The following C2CD5 variants were observed in gnomAD, a reference collection of about 807,000 sequenced individuals.
The protein encoded by C2CD5 is C2 domain-containing protein 5.
Under a neutral mutation model 130.3 loss-of-function variants are expected in C2CD5, and 109 were observed. That is an observed-to-expected ratio of 0.84 (90% CI 0.72 to 0.98). The LOEUF is 0.98. Among genes scored for constraint, C2CD5 ranks in the 50% least tolerant of loss-of-function variants. C2CD5 has a pLI of 0.00. For synonymous variants in C2CD5, 454 were observed against 429.2 expected, an observed-to-expected ratio of 1.06 and a Z score of -0.71; for missense variants, 996 against 1,261.8, an observed-to-expected ratio of 0.79 and a Z score of 3.19.
Position 22,527,711 on chromosome 12 carries a change from T to C in C2CD5, c.349+10A>G. The C allele has an allele frequency of 5.6e-6, 8 of 1,417,552 alleles. No homozygotes were observed. Among genetic ancestry groups the C allele is most frequent in the Non-Finnish European group, 7.8e-6 (8 of 1,031,246 alleles). The allele number at this position is 1,417,552 out of a possible 1,614,324, so 87.8% of individuals were successfully genotyped here. On this transcript the variant is annotated intron_variant, in intron 4 of 26. Coordinates refer to ENST00000446597, the MANE Select transcript of C2CD5 (RefSeq NM_001286176.2). The stretch of plus-strand genomic sequence containing the variant: ...ATTGTTATTTATAATACTTTCTTAT[T>C]ATTCCTTACCATGTATGGTGTCATA...
intron 10 of C2CD5, among the ~76,000 whole-genome samples, chr12:22,496,976 G>A (rs1479858066): frequency 6.6e-6 from 1 of 151,972 alleles, no homozygotes; most frequent in East Asian, 1.9e-4. Context: ...TGAAGTGCAG[G>A]TGAAACTGGT....
At chr12:22,490,970 T>C (rs769915121) in intron 11 of C2CD5, among the ~76,000 whole-genome samples, 18 of 152,148 alleles carry the variant, frequency 1.2e-4, no homozygotes, top group Non-Finnish European at 2.5e-4. Context: ...TCACTTGAAC[T>C]GTAAATAAAA....
chr12:22,488,464 CTATTG>C (rs1945877414), intron 12 of C2CD5, among the ~76,000 whole-genome samples: 1 of 150,872 alleles, frequency 6.6e-6, no homozygotes, highest in Non-Finnish European at 1.5e-5. Context: ...GGGGTGGCAC[CTATTG>C]TATTGAACTA....
At chr12:22,491,808 G>C (rs1441183207) in intron 11 of C2CD5, among the ~76,000 whole-genome samples, 1 of 150,090 alleles carries the variant, frequency 6.7e-6, no homozygotes, top group South Asian at 2.2e-4. Flanking sequence ...GGAGGTGGAG[G>C]TTGCAGTGAG....
At chr12:22,518,390 G>C (rs1420450899) in intron 7 of C2CD5, among the ~76,000 whole-genome samples, 1 of 151,398 alleles carries the variant, frequency 6.6e-6, no homozygotes, top group African/African-American at 2.4e-5. Context: ...CAGACTAAGG[G>C]GATAAAAAAT....
chr12:22,470,685 T>C, intron 21 of C2CD5, 139 bp downstream of exon 21: 1 of 607,050 alleles, frequency 1.6e-6, no homozygotes, highest in Non-Finnish European at 2.9e-6. Context: ...ACAGTTATCT[T>C]CATAAAGATG....
chr12:22,527,407 C>T (rs1950825993), intron 4 of C2CD5, among the ~76,000 whole-genome samples: 1 of 150,534 alleles, frequency 6.6e-6, no homozygotes, highest in African/African-American at 2.4e-5. Flanking sequence ...CAACCTCCGC[C>T]TCCCGGGTTC....
chr12:22,529,047 C>A (rs1299742375), intron 3 of C2CD5, among the ~76,000 whole-genome samples: 1 of 152,092 alleles, frequency 6.6e-6, no homozygotes, highest in Non-Finnish European at 1.5e-5. Flanking sequence ...TATAACATCT[C>A]AAATTTGCCT....
chr12:22,457,734 T>C (rs1940226359), intron 24 of C2CD5, among the ~76,000 whole-genome samples: 1 of 151,940 alleles, frequency 6.6e-6, no homozygotes, highest in African/African-American at 2.4e-5. Context: ...ATTAAATAAC[T>C]GCCATAAGCC....
At chr12:22,521,091 C>A (rs1459667207) in intron 7 of C2CD5, among the ~76,000 whole-genome samples, 1 of 152,042 alleles carries the variant, frequency 6.6e-6, no homozygotes, top group South Asian at 2.1e-4. Flanking sequence ...ATCTAAACCA[C>A]CTTTTATCAA....
At chr12:22,498,759 A>G (rs750641070) in intron 10 of C2CD5, among the ~76,000 whole-genome samples, 35 of 152,178 alleles carry the variant, frequency 2.3e-4, no homozygotes, top group Non-Finnish European at 4.1e-4. Context: ...TCAAAAACCA[A>G]CAAAAGGCTA....
intron 8 of C2CD5, among the ~76,000 whole-genome samples, chr12:22,514,782 G>A (rs568269135): frequency 6.6e-6 from 1 of 151,930 alleles, no homozygotes; most frequent in South Asian, 2.1e-4. Context: ...AAATAATTTG[G>A]CAGAATATTC....
intron 2 of C2CD5, among the ~76,000 whole-genome samples, chr12:22,537,664 A>T (rs1951953029): frequency 6.6e-6 from 1 of 152,210 alleles, no homozygotes; most frequent in Admixed American, 6.5e-5. Flanking sequence ...AAAGTTATTA[A>T]CCTGTTATTT....
intron 9 of C2CD5, among the ~76,000 whole-genome samples, chr12:22,510,404 T>C (rs1047945395): frequency 2.0e-5 from 3 of 152,162 alleles, no homozygotes; most frequent in African/African-American, 7.2e-5. Context: ...AGCATAAAAA[T>C]ATTTAATAGT....
intron 26 of C2CD5, among the ~76,000 whole-genome samples, chr12:22,453,618 TA>T (rs1939178893): frequency 6.6e-6 from 1 of 152,156 alleles, no homozygotes; most frequent in African/African-American, 2.4e-5. Flanking sequence ...CACTGTATTC[TA>T]AACACCTACC....
At chr12:22,520,280 G>A (rs1950156084) in intron 7 of C2CD5, among the ~76,000 whole-genome samples, 1 of 152,056 alleles carries the variant, frequency 6.6e-6, no homozygotes, top group Non-Finnish European at 1.5e-5. Flanking sequence ...GCAAATTAAA[G>A]GCAGGCAAAG....
intron 2 of C2CD5, among the ~76,000 whole-genome samples, chr12:22,541,198 T>C (rs897575243): frequency 1.3e-5 from 2 of 151,988 alleles, no homozygotes; most frequent in Non-Finnish European, 2.9e-5. Flanking sequence ...CCCCCTGGAG[T>C]ATCAGAAAAC....
Position 22,457,063 on chromosome 12 carries a change from T to C in C2CD5, c.2785A>G (p.Thr929Ala), listed in dbSNP as rs756003309. Residue 929 changes from threonine to alanine, a missense_variant, in exon 25 of 27, where the codon ACA (threonine) becomes GCA (alanine). Thr to Ala is a moderately conservative substitution (Grantham distance 58, BLOSUM62 0). Coordinates refer to ENST00000446597, the MANE Select transcript of C2CD5 (RefSeq NM_001286176.2). ...GCTCCAGGAATAAAAGAAAGAGGTG[T>C]CATCTTAACAACCCCAACTGTGGAA... ...ANSTVGVVKM[T>A]PLSFIPGAKI... The C allele has an allele frequency of 6.2e-5, 100 of 1,611,698 alleles. No individual in the cohort carries two copies. The highest frequency in any genetic ancestry group is 8.5e-5 in the Non-Finnish European group (100 of 1,178,352).
chr12:22,461,024 T>C (rs1424693456), intron 22 of C2CD5, among the ~76,000 whole-genome samples: 1 of 152,164 alleles, frequency 6.6e-6, no homozygotes, highest in African/African-American at 2.4e-5. Flanking sequence ...GCTCACTGAC[T>C]GGAGATCTAG....
Sources: allele counts gnomAD v4.1 joint callset (sites outside exome capture counted in the v4.1 genomes callset), GRCh38; gene constraint gnomAD v4.1.1; transcripts MANE v1.5; gene names NCBI Gene and HGNC (gene_info 2026-07-23, HGNC 2026-07-21).